The following SLC8A1 variants were observed in gnomAD, a reference collection of about 807,000 sequenced individuals.
SLC8A1 encodes solute carrier family 8 member A1, also known as sodium/calcium exchanger 1.
SLC8A1 carries 18 observed loss-of-function variants against 68.3 expected under a neutral mutation model. That is an observed-to-expected ratio of 0.26 (90% CI 0.18 to 0.39). The LOEUF (loss-of-function observed/expected upper bound fraction) is 0.39, where lower values mean the gene tolerates loss of function less well. Ranked by LOEUF, SLC8A1 falls within the 10% of genes least tolerant of loss-of-function variation. SLC8A1 has a pLI of 1.00. For missense variants in SLC8A1, 985 were observed against 1,156.7 expected (o/e 0.85, Z 2.15); for synonymous variants, 475 against 415.5 (o/e 1.14, Z -1.74).
intron 2 of SLC8A1, among the ~76,000 whole-genome samples, chr2:40,191,537 CTTTT>C (rs1558686234): frequency 6.6e-6 from 1 of 152,120 alleles, no homozygotes; most frequent in African/African-American, 2.4e-5. Context: ...CTTTCTTTCC[CTTTT>C]TTGTTTCTTG....
intron 2 of SLC8A1, among the ~76,000 whole-genome samples, chr2:40,335,403 C>T (rs780843861): frequency 2.6e-5 from 4 of 152,180 alleles, no homozygotes; most frequent in Non-Finnish European, 5.9e-5. Context: ...GGAAAGCACA[C>T]TCCCTGTAAT....
At chr2:40,369,972 G>C (rs1194763780) in intron 2 of SLC8A1, among the ~76,000 whole-genome samples, 2 of 152,038 alleles carry the variant, frequency 1.3e-5, no homozygotes, top group Admixed American at 1.3e-4. Context: ...TAAAGATAAA[G>C]ATCTATAAAA....
At chr2:40,193,010 C>A (rs533048723) in intron 2 of SLC8A1, among the ~76,000 whole-genome samples, 3 of 152,262 alleles carry the variant, frequency 2.0e-5, no homozygotes, top group East Asian at 1.9e-4. Context: ...TTCCCCGTGA[C>A]AGTGAGCACA....
At chr2:40,418,589 C>G (rs1694575186) in intron 2 of SLC8A1, among the ~76,000 whole-genome samples, 1 of 152,202 alleles carries the variant, frequency 6.6e-6, no homozygotes, top group Non-Finnish European at 1.5e-5. Context: ...CTCATTTGCT[C>G]ATGCTTAATA....
At chr2:40,309,502 CTTT>C (rs34863585) in intron 2 of SLC8A1, among the ~76,000 whole-genome samples, 24 of 123,278 alleles carry the variant, frequency 1.9e-4, no homozygotes, top group African/African-American at 5.5e-4. Context: ...GAATATTTTA[CTTT>C]TTTTTTTTTT....
intron 2 of SLC8A1, among the ~76,000 whole-genome samples, chr2:40,294,961 A>G (rs570658256): frequency 2.5e-4 from 38 of 152,326 alleles, no homozygotes; most frequent in Non-Finnish European, 5.0e-4. Context: ...GGAACAGAAA[A>G]AAGTTATACT....
chr2:40,162,469 C>A (rs2045851588), intron 5 of SLC8A1, among the ~76,000 whole-genome samples: 5 of 152,196 alleles, frequency 3.3e-5, no homozygotes, highest in Admixed American at 1.3e-4. Context: ...AGATAAACTT[C>A]TCTAACATTG....
At chr2:40,249,732 C>T (rs937616044) in intron 2 of SLC8A1, among the ~76,000 whole-genome samples, 4 of 152,060 alleles carry the variant, frequency 2.6e-5, no homozygotes, top group Admixed American at 6.5e-5. Context: ...AAATTGCCAA[C>T]GAATCACTTA....
At chr2:40,198,060 A>G (rs746397874) in intron 2 of SLC8A1, among the ~76,000 whole-genome samples, 9 of 152,036 alleles carry the variant, frequency 5.9e-5, no homozygotes, top group Non-Finnish European at 1.2e-4. Flanking sequence ...GCAGAGGAAC[A>G]TAAGATTCAG....
At chr2:40,201,430 T>C (rs1461984985) in intron 2 of SLC8A1, among the ~76,000 whole-genome samples, 1 of 152,014 alleles carries the variant, frequency 6.6e-6, no homozygotes, top group Non-Finnish European at 1.5e-5. Flanking sequence ...GAGATTTTAA[T>C]GCTAATGTTT....
At chr2:40,337,323 G>A (rs1266907352) in intron 2 of SLC8A1, 4 of 352,754 alleles carry the variant, frequency 1.1e-5, no homozygotes, top group Admixed American at 7.3e-5. Context: ...CAGTGATATT[G>A]TTTTGTAAAT....
chr2:40,260,861 T>G (rs1247737706), intron 2 of SLC8A1, among the ~76,000 whole-genome samples: 2 of 152,064 alleles, frequency 1.3e-5, no homozygotes, highest in Non-Finnish European at 2.9e-5. Context: ...TAGTCCGACC[T>G]AAGAGTGTGT....
chr2:40,272,214 TTC>T (rs761387715), intron 2 of SLC8A1, among the ~76,000 whole-genome samples: 20 of 152,200 alleles, frequency 1.3e-4, no homozygotes, highest in Non-Finnish European at 2.2e-4. Flanking sequence ...CTCTCCTTTG[TTC>T]TTATTCATTT....
At chr2:40,151,557 A>ATG (rs2043438304) in intron 6 of SLC8A1, among the ~76,000 whole-genome samples, 1 of 152,040 alleles carries the variant, frequency 6.6e-6, no homozygotes, top group Non-Finnish European at 1.5e-5. Context: ...ATCTGTTCCT[A>ATG]TTAATAGAGC....
chr2:40,308,202 T>C (rs1000113683), intron 2 of SLC8A1, among the ~76,000 whole-genome samples: 3 of 152,148 alleles, frequency 2.0e-5, no homozygotes, highest in Non-Finnish European at 4.4e-5. Flanking sequence ...AGGTGCCTCA[T>C]GATTCGTGGC....
At chr2:40,184,605 G>A (rs966844941) in intron 2 of SLC8A1, among the ~76,000 whole-genome samples, 1 of 152,088 alleles carries the variant, frequency 6.6e-6, no homozygotes, top group East Asian at 1.9e-4. Flanking sequence ...ATTATATCTG[G>A]AAAGTAGACA....
Position 40,451,414 on chromosome 2 carries a change from C to G in SLC8A1, c.-25+490G>C, listed in dbSNP as rs540006139. 2.6e-5 allele frequency among the ~76,000 whole-genome samples: 4 copies of G among 152,300 alleles called. No individual in the cohort carries two copies. The South Asian group carries it at 8.3e-4, about 32-fold the overall frequency. On this transcript the variant is annotated intron_variant, in intron 1 of 7. Transcript: ENST00000406785. ...TGAGCACCCAACGCCCGCTGGAAAA[C>G]AGGGGGCTCGGAAATGTGGCCTTGG...
At chr2:40,242,843 TAGTC>T (rs2061392695) in intron 2 of SLC8A1, among the ~76,000 whole-genome samples, 1 of 152,244 alleles carries the variant, frequency 6.6e-6, no homozygotes, top group African/African-American at 2.4e-5. Flanking sequence ...TGGGCAAAGT[TAGTC>T]AGACGAGAAA....
chr2:40,117,923 T>A (rs2035845107), intron 7 of SLC8A1, among the ~76,000 whole-genome samples: 1 of 152,214 alleles, frequency 6.6e-6, no homozygotes. Flanking sequence ...ACTAAAAGGC[T>A]ACTGCATCTG....
Sources: gnomAD v4.1 joint callset for allele counts (sites outside exome capture counted in the v4.1 genomes callset) on GRCh38, gnomAD v4.1.1 for gene constraint, MANE v1.5 for transcripts, NCBI Gene and HGNC (gene_info 2026-07-23, HGNC 2026-07-21) for gene names.